The following SYNPR variants were observed in gnomAD, a reference collection of about 807,000 sequenced individuals.
SYNPR encodes the protein synaptoporin.
Under a neutral mutation model 32.9 loss-of-function variants are expected in SYNPR, and 23 were observed. The observed-to-expected ratio is 0.70, with a 90% CI of 0.50 to 0.99. The LOEUF (loss-of-function observed/expected upper bound fraction) is 0.99. Among genes scored for constraint, SYNPR ranks in the 50% least tolerant of loss-of-function variants. The pLI is 0.00. For synonymous variants in SYNPR, 146 were observed against 135.9 expected (o/e 1.07, Z -0.52); for missense variants, 318 against 349.3 (o/e 0.91, Z 0.71).
intron 3 of SYNPR, among the ~76,000 whole-genome samples, chr3:63,269,323 T>C (rs2086515064): frequency 6.6e-6 from 1 of 152,062 alleles, no homozygotes. Flanking sequence ...ACCCCATCTC[T>C]ACTAAAAATA....
intron 3 of SYNPR, among the ~76,000 whole-genome samples, chr3:63,508,628 C>T (rs537727572): frequency 3.3e-5 from 5 of 152,204 alleles, no homozygotes; most frequent in East Asian, 1.9e-4. Flanking sequence ...TTCAGTTAGA[C>T]GAATCCCAGG....
chr3:63,312,800 GT>G (rs1347896867), intron 2 of SYNPR, among the ~76,000 whole-genome samples: 1 of 151,988 alleles, frequency 6.6e-6, no homozygotes, highest in Non-Finnish European at 1.5e-5. Flanking sequence ...CCTCATCTCA[GT>G]TTTTTAAACA....
In SYNPR at chr3:63,278,368, C is replaced by G. The variant is rs1439105874; in HGVS notation, c.-166C>G. The stretch of plus-strand genomic sequence containing the variant: ...TGGGTTCCCGGAGCGCAGAGCCCAG[C>G]GTTAGCGGGTGGGCTCCCCGAGGCC... On this transcript the variant is annotated 5_prime_UTR_variant, in exon 1 of 6. Coordinates refer to ENST00000478300, the MANE Select transcript of SYNPR (RefSeq NM_001130003.2). 1.3e-5 allele frequency: 11 copies of G among 827,058 alleles called. No individual in the cohort carries two copies. The highest frequency in any genetic ancestry group is 2.0e-5 in the Non-Finnish European group (11 of 538,114). 51.2% of individuals were successfully genotyped at this position (827,058 alleles called of 1,614,324 possible).
intron 2 of SYNPR, among the ~76,000 whole-genome samples, chr3:63,390,613 T>G (rs142404669): frequency 6.6e-6 from 1 of 152,360 alleles, no homozygotes; most frequent in African/African-American, 2.4e-5. Flanking sequence ...TTGTGTGAAC[T>G]TGGGAAAAAC....
intron 2 of SYNPR, among the ~76,000 whole-genome samples, chr3:63,376,516 T>C (rs2087897153): frequency 6.6e-6 from 1 of 152,164 alleles, no homozygotes; most frequent in South Asian, 2.1e-4. Context: ...TCTGGGCTTC[T>C]TTTTGTCTCT....
chr3:63,525,633 A>G (rs1701998239), intron 3 of SYNPR, among the ~76,000 whole-genome samples: 1 of 152,216 alleles, frequency 6.6e-6, no homozygotes, highest in African/African-American at 2.4e-5. Flanking sequence ...CCATAAAAAC[A>G]TAAAGGCATT....
chr3:63,202,656 G>A, the SYNPR span, among the ~76,000 whole-genome samples: 1 of 152,176 alleles, frequency 6.6e-6, no homozygotes, highest in Admixed American at 6.5e-5. Flanking sequence ...AATGTTAACA[G>A]GTAATCCCAA....
At chr3:63,517,438 A>AT (rs1701821243) in intron 3 of SYNPR, among the ~76,000 whole-genome samples, 1 of 152,104 alleles carries the variant, frequency 6.6e-6, no homozygotes, top group Non-Finnish European at 1.5e-5. Context: ...GTGAATTTGT[A>AT]CTGAAAAGCA....
upstream of SYNPR, among the ~76,000 whole-genome samples, chr3:63,227,554 C>T (rs1011391482): frequency 6.6e-6 from 1 of 152,138 alleles, no homozygotes; most frequent in Non-Finnish European, 1.5e-5. Context: ...GCAGTCCAAG[C>T]TGGCATCACA....
intron 1 of SYNPR, among the ~76,000 whole-genome samples, chr3:63,243,189 A>T (rs7650773): frequency 0.078 from 11,796 of 152,096 alleles, 1,324 homozygotes; most frequent in African/African-American, 0.25. Context: ...AATTGACAAA[A>T]GTAATCAATT....
intron 2 of SYNPR, among the ~76,000 whole-genome samples, chr3:63,436,616 G>A (rs1204336931): frequency 6.6e-6 from 1 of 152,058 alleles, no homozygotes; most frequent in Non-Finnish European, 1.5e-5. Flanking sequence ...TTAATGATCT[G>A]GAATTATTGC....
intron 2 of SYNPR, among the ~76,000 whole-genome samples, chr3:63,320,603 A>G (rs1427022132): frequency 6.6e-6 from 1 of 152,058 alleles, no homozygotes; most frequent in Non-Finnish European, 1.5e-5. Context: ...AAATTAGAAA[A>G]TTACCTGACA....
chr3:63,408,320 G>GAA (rs770938059), intron 2 of SYNPR, among the ~76,000 whole-genome samples: 1 of 73,686 alleles, frequency 1.4e-5, no homozygotes, highest in Non-Finnish European at 2.8e-5. Flanking sequence ...AGGAAGGAAG[G>GAA]AAAGAAAGAA....
chr3:63,494,044 G>C (rs1701309264), intron 3 of SYNPR, among the ~76,000 whole-genome samples: 1 of 150,738 alleles, frequency 6.6e-6, no homozygotes, highest in African/African-American at 2.4e-5. Flanking sequence ...TTTAAATTTG[G>C]GATTACACTT....
chr3:63,267,673 G>C (rs778338305), intron 3 of SYNPR, among the ~76,000 whole-genome samples: 1 of 152,160 alleles, frequency 6.6e-6, no homozygotes, highest in African/African-American at 2.4e-5. Context: ...CTATGTGCAG[G>C]CTTCTTGCCT....
chr3:63,443,594 A>G, intron 2 of SYNPR: 2 of 1,072,252 alleles, frequency 1.9e-6, no homozygotes, highest in Non-Finnish European at 2.7e-6. Flanking sequence ...AGTCTCTAGT[A>G]ATAATCTCTA....
chr3:63,302,094 T>A (rs552560074), intron 2 of SYNPR, among the ~76,000 whole-genome samples: 30 of 152,208 alleles, frequency 2.0e-4, no homozygotes, highest in Non-Finnish European at 3.7e-4. Context: ...CAGCATCTCG[T>A]TTCATCATTT....
chr3:63,452,248 T>C, intron 2 of SYNPR: 1 of 539,834 alleles, frequency 1.9e-6, no homozygotes, highest in East Asian at 3.0e-5. Context: ...AAAACAAACA[T>C]GGTCTCACGT....
intron 2 of SYNPR, among the ~76,000 whole-genome samples, chr3:63,444,646 T>C (rs929971988): frequency 8.5e-5 from 13 of 152,094 alleles, no homozygotes; most frequent in Non-Finnish European, 1.9e-4. Context: ...TAGCAATTTT[T>C]CAGATTTTGA....
Sources: allele counts gnomAD v4.1 joint callset (sites outside exome capture counted in the v4.1 genomes callset), GRCh38; gene constraint gnomAD v4.1.1; transcripts MANE v1.5; gene names NCBI Gene and HGNC (gene_info 2026-07-23, HGNC 2026-07-21).